Variants in SLC36A4 observed in about 807,000 individuals in gnomAD.
SLC36A4 encodes the protein neutral amino acid uniporter 4.
SLC36A4 carries 49 observed loss-of-function variants against 50.5 expected under a neutral mutation model. That is an observed-to-expected ratio of 0.97 (90% confidence interval 0.77 to 1.23). SLC36A4 has a LOEUF of 1.23. SLC36A4 is among the 50% of genes most tolerant of loss of function. SLC36A4 has a pLI of 0.00. For missense variants in SLC36A4, 611 were observed against 608.4 expected (o/e 1.00, Z -0.05); for synonymous variants, 207 against 206.5 (o/e 1.00, Z -0.02).
rs1860244734 is a variant in SLC36A4, at chr11:93,154,283, GA to G, written c.1038-7del. Reference sequence around the variant, plus strand: ...TTTTCACTGATTGATATAACCTGTTGAAAAAAATTTTCAAAATTTAGTCATT... The same window carrying G: ...TTTTCACTGATTGATATAACCTGTTGAAAAAATTTTCAAAATTTAGTCATT... On this transcript the variant is annotated splice_region_variant and splice_polypyrimidine_tract_variant and intron_variant, in intron 9 of 10. Transcript: ENST00000326402. 1.5e-6 allele frequency: 2 copies of G among 1,343,604 alleles called. No homozygotes were observed. The highest frequency in any genetic ancestry group is 2.3e-5 in the South Asian group (1 of 43,796). 83.2% of individuals were successfully genotyped at this position (1,343,604 alleles called of 1,614,324 possible). A position where few individuals can be genotyped will look rare whatever the true frequency, so the allele number is the denominator to read the frequency against.
intron 1 of SLC36A4, among the ~76,000 whole-genome samples, chr11:93,188,601 T>C (rs1286071235): frequency 6.6e-6 from 1 of 152,190 alleles, no homozygotes. Flanking sequence ...GTTTCAAAGG[T>C]GGCACGGTCT....
intron 1 of SLC36A4, among the ~76,000 whole-genome samples, chr11:93,191,035 C>T (rs1862197366): frequency 6.6e-6 from 1 of 152,132 alleles, no homozygotes; most frequent in Non-Finnish European, 1.5e-5. Flanking sequence ...AATTGAAAGA[C>T]ACCTAACTAG....
intron 7 of SLC36A4, chr11:93,166,456 T>C (rs1254809412): frequency 6.2e-6 from 6 of 973,892 alleles, no homozygotes; most frequent in East Asian, 2.2e-4. Flanking sequence ...AGATACCTGG[T>C]TCCTGACACT....
chr11:93,188,103 G>C (rs1049469447), intron 1 of SLC36A4, among the ~76,000 whole-genome samples: 1 of 152,106 alleles, frequency 6.6e-6, no homozygotes, highest in Non-Finnish European at 1.5e-5. Flanking sequence ...CTCCATGCTT[G>C]TAGCAGCAAC....
intron 3 of SLC36A4, among the ~76,000 whole-genome samples, chr11:93,183,903 T>TTA (rs1861857973): frequency 6.6e-6 from 1 of 152,156 alleles, no homozygotes. Context: ...TTTCACCGTG[T>TTA]TAGCCAGGAT....
chr11:93,150,656 C>A (rs888503182), intron 10 of SLC36A4, among the ~76,000 whole-genome samples: 2 of 151,980 alleles, frequency 1.3e-5, no homozygotes, highest in Non-Finnish European at 2.9e-5. Flanking sequence ...AGTAGAAATA[C>A]TTTATAAAGT....
At position 93,172,645 on chromosome 11, in the gene SLC36A4, T is replaced by C. The variant is rs868312062; in HGVS notation, c.541-4474A>G. On this transcript the variant is annotated intron_variant, in intron 6 of 10. Transcript: ENST00000326402. ...AGAGTGTGATATTCCCCTTCCTGTG[T>C]CCATGTGATCTCATTGTTCAATTCC... is the stretch of plus-strand genomic sequence containing the variant. Among the ~76,000 whole-genome samples the C allele has an allele frequency of 5.5e-3, 804 of 145,712 alleles. 7 individuals are homozygous for C. The highest frequency in any genetic ancestry group is 0.01 in the Middle Eastern group (3 of 294).
chr11:93,159,454 A>G (rs1398739630), intron 9 of SLC36A4, among the ~76,000 whole-genome samples: 1 of 152,152 alleles, frequency 6.6e-6, no homozygotes, highest in Non-Finnish European at 1.5e-5. Context: ...TGAATACAGA[A>G]GCTACCGTTA....
At chr11:93,160,044 G>C (rs1860550099) in intron 9 of SLC36A4, 1 of 985,402 alleles carries the variant, frequency 1.0e-6, no homozygotes, top group African/African-American at 1.7e-5. Context: ...AAGTGAAAGA[G>C]AGACTCGTAT....
At chr11:93,197,522 ACACACACTCACCCACACGCGCGCG>A (rs1044961184) in intron 1 of SLC36A4, 15 of 539,536 alleles carry the variant, frequency 2.8e-5, no homozygotes, top group South Asian at 2.0e-4. Context: ...CCCACTCAAC[ACACACACTCACCCACACGCGCGCG>A]CGCAAACACA....
At chr11:93,194,759 C>T (rs922084424) in intron 1 of SLC36A4, among the ~76,000 whole-genome samples, 1 of 152,136 alleles carries the variant, frequency 6.6e-6, no homozygotes, top group African/African-American at 2.4e-5. Flanking sequence ...ATTCTGTCTC[C>T]TAGCTTTAAA....
Position 93,185,688 on chromosome 11 carries a change from T to C in SLC36A4, c.179+3A>G. 6.3e-7 allele frequency: 1 copy of C among 1,581,706 alleles called. No individual in the cohort carries two copies. Among genetic ancestry groups the C allele is most frequent in the Non-Finnish European group, 8.5e-7 (1 of 1,170,598 alleles). On this transcript the variant is annotated splice_donor_region_variant and intron_variant, in intron 2 of 10. Transcript: ENST00000326402. The stretch of plus-strand genomic sequence containing the variant: ...AAGGAGACTTATAAACCATAACACT[T>C]ACGAAATGCCCTCTTGATCATCAAG...
chr11:93,163,733 AT>A (rs1860735154), intron 8 of SLC36A4, among the ~76,000 whole-genome samples: 1 of 151,966 alleles, frequency 6.6e-6, no homozygotes, highest in Admixed American at 6.6e-5. Context: ...TAGGAGGGGG[AT>A]TAGTTCTATC....
chr11:93,193,773 T>G (rs972231462), intron 1 of SLC36A4, among the ~76,000 whole-genome samples: 11 of 152,146 alleles, frequency 7.2e-5, no homozygotes, highest in Non-Finnish European at 7.4e-5. Context: ...TGTTCTAAAA[T>G]CACATTAATT....
At position 93,162,772 on chromosome 11, in the gene SLC36A4, A is replaced by G. The variant is rs149819804; in HGVS notation, c.971T>C (p.Leu324Ser). 2.2e-4 allele frequency: 350 copies of G among 1,613,662 alleles called. 1 individual carries two copies. Among genetic ancestry groups the G allele is most frequent in the Admixed American group, 1.7e-3 (101 of 59,968 alleles). ...VTTLYVTLAT[L>S]GYMCFHDEIK... ...TTCATCATGGAAACACATATATCCT[A>G]AAGTAGCTAATGTTACATACAAAGT... The change falls in exon 9 of 11, where the codon TTA (leucine) becomes TCA (serine). Residue 324 changes from leucine (L) to serine (S), a missense_variant. Coordinates refer to ENST00000326402, the MANE Select transcript of SLC36A4 (RefSeq NM_152313.4).
At chr11:93,190,365 T>C (rs1443871677) in intron 1 of SLC36A4, among the ~76,000 whole-genome samples, 1 of 152,114 alleles carries the variant, frequency 6.6e-6, no homozygotes, top group Non-Finnish European at 1.5e-5. Context: ...ACTAGAGAAA[T>C]GGATTTGAAA....
chr11:93,149,718 A>T (rs922919878), intron 10 of SLC36A4, among the ~76,000 whole-genome samples: 1 of 152,102 alleles, frequency 6.6e-6, no homozygotes, highest in African/African-American at 2.4e-5. Context: ...GACACAAATG[A>T]GTATGACAGC....
intron 9 of SLC36A4, chr11:93,154,547 A>T (rs1250449565): frequency 5.5e-6 from 1 of 181,598 alleles, no homozygotes; most frequent in Non-Finnish European, 1.1e-5. Context: ...ACTTTGGGAT[A>T]AGCCAATATT....
chr11:93,196,077 G>C (rs1319133366), intron 1 of SLC36A4, among the ~76,000 whole-genome samples: 1 of 152,108 alleles, frequency 6.6e-6, no homozygotes, highest in Non-Finnish European at 1.5e-5. Context: ...GTGCCTAGGG[G>C]AAGCTCAATG....
Sources: allele counts gnomAD v4.1 joint callset (sites outside exome capture counted in the v4.1 genomes callset), GRCh38; gene constraint gnomAD v4.1.1; transcripts MANE v1.5; gene names NCBI Gene and HGNC (gene_info 2026-07-23, HGNC 2026-07-21).